The following MPDZ variants were observed in gnomAD, a reference collection of about 807,000 sequenced individuals.
MPDZ encodes multiple PDZ domain crumbs cell polarity complex component.
MPDZ carries 234 observed loss-of-function variants against 239.1 expected under a neutral mutation model. That is an observed-to-expected ratio of 0.98 (90% CI 0.88 to 1.09). MPDZ has a LOEUF of 1.09. Among genes scored for constraint, MPDZ ranks in the 50% least tolerant of loss-of-function variants. The probability of loss-of-function intolerance (pLI) is 0.00; values close to 1 mark genes in which losing one functional copy is unlikely to be tolerated. For synonymous variants in MPDZ, 1,048 were observed against 881.3 expected (o/e 1.19, Z -3.35); for missense variants, 3,175 against 2,510.0 (o/e 1.26, Z -5.66).
intron 3 of MPDZ, among the ~76,000 whole-genome samples, chr9:13,228,389 A>C (rs1961306248): frequency 6.6e-6 from 1 of 152,172 alleles, no homozygotes; most frequent in Non-Finnish European, 1.5e-5. Context: ...AGGGCAAACT[A>C]AAACACCTTC....
intron 32 of MPDZ, among the ~76,000 whole-genome samples, chr9:13,130,266 TA>T (rs1945775068): frequency 6.6e-6 from 1 of 152,262 alleles, no homozygotes; most frequent in South Asian, 2.1e-4. Context: ...TATAAAAGAT[TA>T]AAAAAAGATA....
rs1384991589 is a variant in MPDZ, at chr9:13,139,788, A to G, written c.4003+199T>C. The stretch of plus-strand genomic sequence containing the variant: ...GAGTGAGCTTTAACAGCACTTTTAA[A>G]GGAAAGGAAGAGCATGATTTCATGC... On this transcript the variant is annotated intron_variant, in intron 28 of 46. Transcript: ENST00000319217. The G allele has an allele frequency of 1.1e-5, 7 of 622,988 alleles. No individual in the cohort carries two copies. The Admixed American group carries it at 1.6e-4, about 15-fold the overall frequency. 38.6% of individuals were successfully genotyped at this position (622,988 alleles called of 1,614,324 possible).
chr9:13,206,061 TTGC>T lies in MPDZ; in HGVS notation c.1326_1328del (p.Gln443del). 1 of 1,611,926 alleles carries T rather than the reference TTGC, an allele frequency of 6.2e-7. No individual in the cohort carries two copies. Among genetic ancestry groups the T allele is most frequent in the South Asian group, 1.1e-5 (1 of 90,852 alleles). On this transcript the variant is annotated inframe_deletion, in exon 11 of 47. Transcript: ENST00000319217. ...CTGTATGTCGCAATACCTCTACTGC[TTGC>T]TGATTAGTAAAACCCTGAAGGTTTG...
intron 16 of MPDZ, among the ~76,000 whole-genome samples, chr9:13,189,799 C>T (rs1017932967): frequency 2.0e-5 from 3 of 152,086 alleles, no homozygotes; most frequent in Non-Finnish European, 2.9e-5. Flanking sequence ...TTATGACTTA[C>T]CACTAAAATA....
At chr9:13,179,957 T>G (rs1290336945) in intron 19 of MPDZ, among the ~76,000 whole-genome samples, 1 of 152,102 alleles carries the variant, frequency 6.6e-6, no homozygotes, top group East Asian at 1.9e-4. Context: ...CAACCAAAGC[T>G]GCTCCAACTG....
chr9:13,208,882 C>T (rs1196367698), intron 10 of MPDZ, among the ~76,000 whole-genome samples: 1 of 152,042 alleles, frequency 6.6e-6, no homozygotes, highest in African/African-American at 2.4e-5. Flanking sequence ...TGGCTCTGTT[C>T]TTTCTCCCTA....
chr9:13,131,507 C>G (rs1018753706), intron 32 of MPDZ, among the ~76,000 whole-genome samples: 2 of 152,100 alleles, frequency 1.3e-5, no homozygotes, highest in Non-Finnish European at 2.9e-5. Context: ...AGTGACACCA[C>G]CTTGAAGCGA....
rs765733279 is a variant in MPDZ at position 13,216,808 on chromosome 9, T to A, written c.1256A>T (p.Asp419Val). The A allele has an allele frequency of 6.8e-6, 11 of 1,610,202 alleles. No homozygotes were observed. The Admixed American group carries it at 1.5e-4, about 22-fold the overall frequency. ...TTGGTCTCCAATTTGGATTCTTCCA[T>A]CATGCTCAACGGCACTGCTTTTTGT... Reference protein sequence around the residue: ...SITKSSAVEHDGRIQIGDQII... With the variant: ...SITKSSAVEHVGRIQIGDQII... Residue 419 changes from aspartate to valine, a missense_variant, in exon 10 of 47, where the codon GAT becomes GTT. Coordinates refer to ENST00000319217, the MANE Select transcript of MPDZ (RefSeq NM_001378778.1).
At chr9:13,261,722 T>C (rs1325327768) in intron 1 of MPDZ, among the ~76,000 whole-genome samples, 1 of 151,990 alleles carries the variant, frequency 6.6e-6, no homozygotes, top group Non-Finnish European at 1.5e-5. Flanking sequence ...AAATAAAACA[T>C]AAATCCACTG....
At chr9:13,171,527 CT>C (rs1454329102) in intron 21 of MPDZ, among the ~76,000 whole-genome samples, 2 of 152,160 alleles carry the variant, frequency 1.3e-5, no homozygotes, top group Admixed American at 1.3e-4. Flanking sequence ...GACTTCCTTT[CT>C]TTTCCCCTGA....
chr9:13,147,461 T>C, intron 26 of MPDZ, 87 bp downstream of exon 26: 1 of 947,480 alleles, frequency 1.1e-6, no homozygotes, highest in Non-Finnish European at 1.7e-6. Context: ...CTATCTTTAC[T>C]CATACAGACA....
intron 39 of MPDZ, among the ~76,000 whole-genome samples, chr9:13,116,877 A>G (rs986225722): frequency 5.9e-5 from 9 of 152,178 alleles, no homozygotes; most frequent in African/African-American, 2.2e-4. Flanking sequence ...ATTGTATTTT[A>G]CATAGTTGCA....
chr9:13,148,559 A>G (rs1324961155), intron 25 of MPDZ, among the ~76,000 whole-genome samples: 1 of 152,072 alleles, frequency 6.6e-6, no homozygotes, highest in Non-Finnish European at 1.5e-5. Context: ...GTTGATACTT[A>G]GATGACAATA....
intron 1 of MPDZ, among the ~76,000 whole-genome samples, chr9:13,267,630 C>T (rs1467664388): frequency 6.6e-6 from 1 of 152,038 alleles, no homozygotes; most frequent in Non-Finnish European, 1.5e-5. Flanking sequence ...AGTAATGACA[C>T]TTAAAAGTAT....
At chr9:13,126,491 C>A in intron 34 of MPDZ, 25 bp downstream of exon 34, 1 of 1,504,796 alleles carries the variant, frequency 6.6e-7, no homozygotes, top group South Asian at 1.2e-5. Context: ...CCTACATTAC[C>A]ATTTACTTTA....
At chr9:13,254,091 G>C (rs896747620) in intron 1 of MPDZ, among the ~76,000 whole-genome samples, 2 of 152,114 alleles carry the variant, frequency 1.3e-5, no homozygotes. Flanking sequence ...CTGTTTCCAA[G>C]TTCAAATAGA....
rs746268904 is a variant in MPDZ, at chr9:13,198,733, C to CTGTGTGTGTG, written c.1547-2504_1547-2503insCACACACACA. On this transcript the variant is annotated intron_variant, in intron 12 of 46. Coordinates refer to ENST00000319217, the MANE Select transcript of MPDZ (RefSeq NM_001378778.1). The stretch of plus-strand genomic sequence containing the variant: ...TCTTATATTTAGGTCTTTAATCTCT[C>CTGTGTGTGTG]TCTCTGTGTGTGTGTGTGTGTGTGT... Among the ~76,000 whole-genome samples the CTGTGTGTGTG allele has an allele frequency of 3.4e-3, 307 of 89,456 alleles. 8 individuals carry two copies. Among genetic ancestry groups the CTGTGTGTGTG allele is most frequent in the African/African-American group, 7.0e-3 (248 of 35,334 alleles). The allele number at this position is 89,456 out of a possible 152,430, so 58.7% of individuals were successfully genotyped here. A position where few individuals can be genotyped will look rare whatever the true frequency, so the allele number is the denominator to read the frequency against.
In MPDZ at chr9:13,143,534, G is replaced by T; in HGVS notation, c.3772C>A (p.Leu1258Ile). 1 of 1,613,056 alleles carries T rather than the reference G, an allele frequency of 6.2e-7. No individual in the cohort carries two copies. Among genetic ancestry groups the T allele is most frequent in the Non-Finnish European group, 8.5e-7 (1 of 1,179,182 alleles). The change falls in exon 27 of 47, where the codon CTT becomes ATT. Residue 1258 changes from leucine (L) to isoleucine (I), a missense_variant. Coordinates refer to ENST00000319217, the MANE Select transcript of MPDZ (RefSeq NM_001378778.1). ...KSPLPSLLHN[L>I]YPKYNFSSTN... is the part of the protein sequence containing the mutation. ...CTGCTGAAGTTGTACTTAGGGTAAA[G>T]GTTGTGCAGCAAGGAAGGCAAAGGG...
intron 14 of MPDZ, 147 bp downstream of exon 14, chr9:13,193,020 C>G: frequency 1.6e-6 from 1 of 637,974 alleles, no homozygotes; most frequent in Non-Finnish European, 2.3e-6. Context: ...TACAAAATTT[C>G]TGCTTTGGGT....
Sources: allele counts gnomAD v4.1 joint callset (sites outside exome capture counted in the v4.1 genomes callset), GRCh38; gene constraint gnomAD v4.1.1; transcripts MANE v1.5; gene names NCBI Gene and HGNC (gene_info 2026-07-23, HGNC 2026-07-21).